Variants in TOP1MT observed in about 807,000 individuals in gnomAD.
The protein encoded by TOP1MT is DNA topoisomerase I, mitochondrial.
A neutral mutation model predicts 73.9 loss-of-function variants in TOP1MT; 80 were observed. That is an observed-to-expected ratio of 1.08 (90% confidence interval 0.90 to 1.30). TOP1MT has a LOEUF of 1.30. Among genes scored for constraint, TOP1MT ranks in the 50% most tolerant of loss-of-function variants. TOP1MT has a pLI of 0.00. For missense variants in TOP1MT, 815 were observed against 808.0 expected, an observed-to-expected ratio of 1.01 and a Z score of -0.10; for synonymous variants, 338 against 326.4, an observed-to-expected ratio of 1.04 and a Z score of -0.38.
chr8:143,350,923 CCT>C (rs1222380284), intron 1 of TOP1MT, among the ~76,000 whole-genome samples: 5 of 152,162 alleles, frequency 3.3e-5, no homozygotes, highest in African/African-American at 1.2e-4. Flanking sequence ...CCTGGGTCCT[CCT>C]CTTCGACCAG....
At chr8:143,345,220 G>A (rs995565148), upstream of TOP1MT, among the ~76,000 whole-genome samples, 2 of 152,130 alleles carry the variant, frequency 1.3e-5, no homozygotes, top group African/African-American at 4.8e-5. Context: ...AGTCCTTCCC[G>A]AGGAGCTTAC....
intron 1 of TOP1MT, 61 bp downstream of exon 1, chr8:143,334,679 T>C (rs1816943631): frequency 1.3e-6 from 2 of 1,587,220 alleles, no homozygotes; most frequent in African/African-American, 1.4e-5. Context: ...CACTCCCCTT[T>C]CTGGACCTAC....
At chr8:143,326,447 A>G (rs1816711486) in intron 3 of TOP1MT, 103 bp from the exon 4 acceptor site, 2 of 1,502,794 alleles carry the variant, frequency 1.3e-6, no homozygotes, top group Non-Finnish European at 1.8e-6. Context: ...GCCATGTCCG[A>G]CGGAGGCGTG....
chr8:143,353,963 CAAAAA>C (rs1186472770), intron 1 of TOP1MT, among the ~76,000 whole-genome samples: 4 of 47,604 alleles, frequency 8.4e-5, no homozygotes, highest in African/African-American at 3.2e-4. Context: ...GACTCCATCC[CAAAAA>C]AAAAAAAAAA....
chr8:143,335,026 A>G (rs1170976848), upstream of TOP1MT: 3 of 662,882 alleles, frequency 4.5e-6, no homozygotes, highest in East Asian at 4.8e-5. Context: ...CAGCAGGACC[A>G]CTGACTGTCC....
At chr8:143,359,107 G>A (rs911012775), upstream of TOP1MT, among the ~76,000 whole-genome samples, 1 of 151,678 alleles carries the variant, frequency 6.6e-6, no homozygotes, top group African/African-American at 2.4e-5. Flanking sequence ...CTCCCAAAGC[G>A]CTGGGATTAT....
At chr8:143,335,015 G>T (rs1350383136), upstream of TOP1MT, 3 of 779,482 alleles carry the variant, frequency 3.8e-6, no homozygotes, top group East Asian at 1.4e-4. Flanking sequence ...CGGGGCTGCG[G>T]CAGCAGGACC....
At chr8:143,318,898 G>C (rs950211934) in intron 8 of TOP1MT, among the ~76,000 whole-genome samples, 2 of 152,208 alleles carry the variant, frequency 1.3e-5, no homozygotes, top group African/African-American at 2.4e-5. Flanking sequence ...GTTTCACACC[G>C]CTGATCTTGA....
At chr8:143,352,046 C>G (rs1563775044) in intron 1 of TOP1MT, among the ~76,000 whole-genome samples, 3 of 152,250 alleles carry the variant, frequency 2.0e-5, no homozygotes, top group Admixed American at 6.5e-5. Flanking sequence ...TGTGCCATTG[C>G]ACTGCAGCCT....
At chr8:143,332,231 T>C (rs1327099367) in intron 1 of TOP1MT, among the ~76,000 whole-genome samples, 2 of 152,214 alleles carry the variant, frequency 1.3e-5, no homozygotes, top group Admixed American at 1.3e-4. Context: ...AGGGCTCAAC[T>C]GAACCTAGAT....
chr8:143,347,736 G>C (rs1817252781), upstream of TOP1MT, among the ~76,000 whole-genome samples: 1 of 150,552 alleles, frequency 6.6e-6, no homozygotes, highest in Non-Finnish European at 1.5e-5. Flanking sequence ...AGCCAGCGGG[G>C]AAGAGTTGAA....
intron 2 of TOP1MT, among the ~76,000 whole-genome samples, chr8:143,342,571 G>T (rs1438904481): frequency 8.8e-6 from 1 of 113,406 alleles, no homozygotes; most frequent in African/African-American, 3.6e-5. Context: ...ACAGAGTCTC[G>T]CTCTGTTATT....
intron 1 of TOP1MT, among the ~76,000 whole-genome samples, chr8:143,354,532 G>A (rs1817374937): frequency 6.6e-6 from 1 of 152,008 alleles, no homozygotes; most frequent in Non-Finnish European, 1.5e-5. Context: ...GACCAACATG[G>A]AGAAACCCCG....
intron 1 of TOP1MT, chr8:143,332,610 G>C (rs574026267): frequency 1.6e-6 from 2 of 1,268,786 alleles, no homozygotes; most frequent in Non-Finnish European, 2.1e-6. Flanking sequence ...GTCTGAGAGG[G>C]GAAAGCATGT....
rs1349004166 is a variant in TOP1MT at position 143,322,229 on chromosome 8, ACACACATGCATGC to A, written c.961-856_961-844del. Among the ~76,000 whole-genome samples the A allele has an allele frequency of 1.1e-4, 7 of 60,936 alleles. 1 individual carries two copies. Among genetic ancestry groups the A allele is most frequent in the Non-Finnish European group, 2.1e-4 (7 of 33,220 alleles). 40.0% of individuals were successfully genotyped at this position (60,936 alleles called of 152,430 possible). On this transcript the variant is annotated intron_variant, in intron 7 of 13. Transcript: ENST00000329245. Reference sequence around the variant, plus strand: ...CAGGCACGCCACACACAGGCACGCCACACACATGCATGCCACACACGCACGCCACACACACACG... The same window carrying A: ...CAGGCACGCCACACACAGGCACGCCACACACACGCACGCCACACACACACG...
Position 143,317,848 on chromosome 8 carries a change from A to T in TOP1MT, c.1216-11T>A. The T allele has an allele frequency of 6.2e-7, 1 of 1,613,742 alleles. No individual in the cohort carries two copies. Among genetic ancestry groups the T allele is most frequent in the African/African-American group, 1.3e-5 (1 of 75,048 alleles). ...GTTCAGGCTGGTCGTCTGGGGAGGA[A>T]AATGGTCTCTATAATTACGTGGTTT... On this transcript the variant is annotated splice_polypyrimidine_tract_variant and intron_variant, in intron 9 of 13. Coordinates refer to ENST00000329245, the MANE Select transcript of TOP1MT (RefSeq NM_052963.3).
upstream of TOP1MT, among the ~76,000 whole-genome samples, chr8:143,349,972 G>A (rs1245949320): frequency 6.6e-6 from 1 of 152,114 alleles, no homozygotes; most frequent in Non-Finnish European, 1.5e-5. Flanking sequence ...AGTCTGACAA[G>A]TATTAATACA....
At chr8:143,349,588 T>C (rs972327775), upstream of TOP1MT, among the ~76,000 whole-genome samples, 34 of 151,916 alleles carry the variant, frequency 2.2e-4, no homozygotes, top group African/African-American at 7.5e-4. Flanking sequence ...ATGCCTGAAT[T>C]GCAATTCTGT....
upstream of TOP1MT, among the ~76,000 whole-genome samples, chr8:143,357,617 C>T (rs1321955687): frequency 2.6e-5 from 4 of 151,750 alleles, no homozygotes; most frequent in African/African-American, 9.7e-5. Flanking sequence ...CTTGTTTCTA[C>T]AAAAATAAAA....
Sources: gnomAD v4.1 joint callset for allele counts (sites outside exome capture counted in the v4.1 genomes callset) on GRCh38, gnomAD v4.1.1 for gene constraint, MANE v1.5 for transcripts, NCBI Gene and HGNC (gene_info 2026-07-23, HGNC 2026-07-21) for gene names.